The following DGLUCY variants were observed in gnomAD, a reference collection of about 807,000 sequenced individuals.
DGLUCY encodes the protein D-glutamate cyclase, mitochondrial.
In DGLUCY, 58 loss-of-function variants were observed where a neutral mutation model predicts 58.5. That is an observed-to-expected ratio of 0.99 (90% CI 0.80 to 1.23). The LOEUF (loss-of-function observed/expected upper bound fraction) is 1.23. DGLUCY is among the 50% of genes most tolerant of loss of function. DGLUCY has a pLI of 0.00. For missense variants in DGLUCY, 779 were observed against 784.7 expected, an observed-to-expected ratio of 0.99 and a Z score of 0.09; for synonymous variants, 325 against 314.1, an observed-to-expected ratio of 1.03 and a Z score of -0.37.
intron 1 of DGLUCY, among the ~76,000 whole-genome samples, chr14:91,067,259 A>G (rs1273621603): frequency 1.3e-5 from 2 of 151,998 alleles, no homozygotes; most frequent in Admixed American, 6.5e-5. Flanking sequence ...ACACTTTTTC[A>G]TTAGGAGAGA....
At chr14:91,207,161 G>GAAAAAAAAA (rs56355078) in intron 12 of DGLUCY, among the ~76,000 whole-genome samples, 7,971 of 84,052 alleles carry the variant, frequency 0.095, 860 homozygotes, top group African/African-American at 0.18. Context: ...ACTGTCTCAG[G>GAAAAAAAAA]AAAAAAAAAA....
intron 9 of DGLUCY, among the ~76,000 whole-genome samples, chr14:91,194,440 G>GT (rs1190911569): frequency 6.6e-6 from 1 of 151,892 alleles, no homozygotes; most frequent in East Asian, 1.9e-4. Flanking sequence ...CATGTAGAAT[G>GT]TGTTCTGTGA....
At chr14:91,213,175 C>T (rs910879408) in intron 12 of DGLUCY, among the ~76,000 whole-genome samples, 15 of 152,108 alleles carry the variant, frequency 9.9e-5, no homozygotes, top group African/African-American at 3.6e-4. Flanking sequence ...TGACTCACAC[C>T]TATAATCCCA....
intron 1 of DGLUCY, among the ~76,000 whole-genome samples, chr14:91,091,723 G>A (rs1339272195): frequency 6.6e-6 from 1 of 152,144 alleles, no homozygotes; most frequent in Non-Finnish European, 1.5e-5. Context: ...CCCAGGTGCT[G>A]TCGTAAGAGA....
intron 1 of DGLUCY, among the ~76,000 whole-genome samples, chr14:91,093,894 G>A (rs561970275): frequency 7.2e-5 from 11 of 152,160 alleles, no homozygotes; most frequent in African/African-American, 2.6e-4. Context: ...TACATGAAAT[G>A]TTCCAAACAG....
intron 1 of DGLUCY, among the ~76,000 whole-genome samples, chr14:91,155,189 G>C (rs191463283): frequency 6.6e-6 from 1 of 152,186 alleles, no homozygotes; most frequent in Admixed American, 6.6e-5. Context: ...GTAATTATGC[G>C]TTTAATGTCT....
rs1005532266 is a variant in DGLUCY, at chr14:91,155,100, C to T, written c.-81-2539C>T. The stretch of plus-strand genomic sequence containing the variant: ...TCCTCCACCCTGAGTCCACAGGCCC[C>T]GGAGCGCTAAGCACATGGTGTTATA... On this transcript the variant is annotated intron_variant, in intron 1 of 13. Coordinates refer to ENST00000256324, the MANE Select transcript of DGLUCY (RefSeq NM_001102368.3). Among the ~76,000 whole-genome samples the T allele has an allele frequency of 3.9e-5, 6 of 152,336 alleles. No homozygotes were observed. In the East Asian group the frequency reaches 9.6e-4, roughly 24 times the overall value.
Position 91,189,026 on chromosome 14 carries a change from G to A in DGLUCY, c.1051G>A (p.Glu351Lys). The change falls in exon 9 of 14, where the codon GAG becomes AAG. Residue 351 changes from glutamate (E) to lysine (K), a missense_variant. By Grantham distance (56) the Glu-to-Lys change is moderately conservative. Coordinates refer to ENST00000256324, the MANE Select transcript of DGLUCY (RefSeq NM_001102368.3). Reference protein sequence around the residue: ...TTGFPTHFNHEPPEETDGPPG... With the variant: ...TTGFPTHFNHKPPEETDGPPG... ...TGGGTTCCCCACACATTTCAATCATGAGCCTCCAGAAGAGACAGATGGCCC... is the reference window on the plus strand; with the variant it reads ...TGGGTTCCCCACACATTTCAATCATAAGCCTCCAGAAGAGACAGATGGCCC... The A allele has an allele frequency of 6.2e-7, 1 of 1,614,144 alleles. No individual in the cohort carries two copies. The highest frequency in any genetic ancestry group is 8.5e-7 in the Non-Finnish European group (1 of 1,180,034).
At chr14:91,187,227 T>C (rs2049577061) in intron 8 of DGLUCY, among the ~76,000 whole-genome samples, 1 of 152,060 alleles carries the variant, frequency 6.6e-6, no homozygotes, top group Non-Finnish European at 1.5e-5. Flanking sequence ...CTTGAACTCC[T>C]GACCTCGTGA....
chr14:91,222,506 G>A (rs1447607530), intron 13 of DGLUCY, among the ~76,000 whole-genome samples: 1 of 152,234 alleles, frequency 6.6e-6, no homozygotes, highest in Non-Finnish European at 1.5e-5. Context: ...TAGCTCCTGA[G>A]AAGGAGCTGT....
rs758694224 is a variant in DGLUCY at position 91,173,379 on chromosome 14, GTGC to G, written c.548_550del (p.Val183_Arg184delinsGly). The G allele has an allele frequency of 5.2e-5, 84 of 1,612,850 alleles. No individual in the cohort carries two copies. The highest frequency in any genetic ancestry group is 6.5e-5 in the Non-Finnish European group (77 of 1,179,766). On this transcript the variant is annotated inframe_deletion, in exon 6 of 14. Transcript: ENST00000256324. ...TCCCAAGGACAAGCTGGAAGGGCTG[GTGC>G]GGGCCTGCTGCTCCCTCGGAGGTGA...
intron 7 of DGLUCY, among the ~76,000 whole-genome samples, chr14:91,176,942 CCTT>C (rs1400205593): frequency 6.3e-5 from 8 of 126,958 alleles, no homozygotes; most frequent in African/African-American, 2.5e-4. Flanking sequence ...TCCTTCCTTC[CCTT>C]CTTCTTTCTT....
chr14:91,062,559 ATATAT>A (rs1377531073), intron 1 of DGLUCY, among the ~76,000 whole-genome samples: 4 of 18,600 alleles, frequency 2.2e-4, no homozygotes, highest in Non-Finnish European at 3.8e-4. Flanking sequence ...AAAAAAAAAA[ATATAT>A]ATATATATAT....
At chr14:91,173,185 T>G in intron 5 of DGLUCY, 104 bp from the exon 6 acceptor site, 74 of 1,198,248 alleles carry the variant, frequency 6.2e-5, no homozygotes, top group Non-Finnish European at 8.4e-5. Context: ...TAACAGCTAC[T>G]CCTCCTTCAT....
chr14:91,153,177 CTTTA>C (rs770140071), intron 1 of DGLUCY, among the ~76,000 whole-genome samples: 107 of 152,176 alleles, frequency 7.0e-4, no homozygotes, highest in South Asian at 1.2e-3. Context: ...TGACAGTGAG[CTTTA>C]TTTACTTATT....
At chr14:91,097,054 G>T (rs564505201) in intron 1 of DGLUCY, among the ~76,000 whole-genome samples, 1 of 152,198 alleles carries the variant, frequency 6.6e-6, no homozygotes, top group Non-Finnish European at 1.5e-5. Context: ...AGAGATTGGC[G>T]TAAATGGGGA....
At chr14:91,111,248 G>GTGTATATATA (rs1555391921), upstream of DGLUCY, among the ~76,000 whole-genome samples, 118 of 81,152 alleles carry the variant, frequency 1.5e-3, 2 homozygotes, top group African/African-American at 4.9e-3. Flanking sequence ...GTGTGTGTGT[G>GTGTATATATA]TATATATCTA....
chr14:91,212,773 C>T (rs1419000959), intron 12 of DGLUCY, among the ~76,000 whole-genome samples: 1 of 151,918 alleles, frequency 6.6e-6, no homozygotes, highest in Non-Finnish European at 1.5e-5. Context: ...GAAGCTGAGG[C>T]AGGCAGATCA....
rs544487395 is a variant in DGLUCY at position 91,081,148 on chromosome 14, A to G, written c.-82+20444A>G. Among the ~76,000 whole-genome samples the G allele has an allele frequency of 3.3e-5, 5 of 152,214 alleles. No individual in the cohort carries two copies. In the East Asian group the frequency reaches 9.7e-4, roughly 29 times the overall value. On this transcript the variant is annotated intron_variant, in intron 1 of 4. Coordinates refer to the DGLUCY transcript ENST00000521334. ...AACCCGGGAGGCGGAGCTTGCAGTG[A>G]GCCAAGATCGCGCCACTGCACTCCA...
Sources: gnomAD v4.1 joint callset for allele counts (sites outside exome capture counted in the v4.1 genomes callset) on GRCh38, gnomAD v4.1.1 for gene constraint, MANE v1.5 for transcripts, NCBI Gene and HGNC (gene_info 2026-07-23, HGNC 2026-07-21) for gene names.